FUCA1: variants seen among roughly 807,000 people sequenced by gnomAD.
The protein encoded by FUCA1 is alpha-L-fucosidase 1.
FUCA1 carries 52 observed loss-of-function variants against 56.8 expected under a neutral mutation model. That is an observed-to-expected ratio of 0.92 (90% CI 0.73 to 1.15). The LOEUF is 1.15. Among genes scored for constraint, FUCA1 ranks in the 50% most tolerant of loss-of-function variants. The pLI, the probability that FUCA1 is intolerant of heterozygous loss-of-function variation, is 0.00. For synonymous variants in FUCA1, 230 were observed against 226.6 expected, an observed-to-expected ratio of 1.02 and a Z score of -0.14; for missense variants, 568 against 592.6, an observed-to-expected ratio of 0.96 and a Z score of 0.43.
intron 2 of FUCA1, among the ~76,000 whole-genome samples, chr1:23,864,865 C>T (rs151011185): frequency 3.9e-4 from 60 of 152,084 alleles, no homozygotes; most frequent in African/African-American, 1.3e-3. Flanking sequence ...CCACCACGCC[C>T]GGCTAATTTT....
chr1:23,859,289 G>A (rs1639457765), intron 4 of FUCA1, among the ~76,000 whole-genome samples: 1 of 151,964 alleles, frequency 6.6e-6, no homozygotes, highest in Admixed American at 6.6e-5. Flanking sequence ...GGAGATTGCC[G>A]GGTGCGGTGG....
chr1:23,848,582 C>A, intron 6 of FUCA1, 67 bp downstream of exon 6: 1 of 1,473,730 alleles, frequency 6.8e-7, no homozygotes. Flanking sequence ...CATTGTGGAC[C>A]CAAGGAGATA....
Position 23,867,848 on chromosome 1 carries a change from G to A in FUCA1, c.389+50C>T. 6.6e-7 allele frequency: 1 copy of A among 1,518,194 alleles called. No individual in the cohort carries two copies. Among genetic ancestry groups the A allele is most frequent in the South Asian group, 1.2e-5 (1 of 81,390 alleles). 94.0% of individuals were successfully genotyped at this position (1,518,194 alleles called of 1,614,324 possible). ...AGCTGGCCGCCCAGCCCCACCTCCT[G>A]TTTGCCGCCCGAGCCGGGAAGGGGC... On this transcript the variant is annotated intron_variant, in intron 1 of 7. Transcript: ENST00000374479. This position sits in a 1 kb window ranked among gnomAD's most constrained non-coding sequence, Gnocchi z 4.9.
chr1:23,852,779 T>A (rs1639292397), intron 5 of FUCA1, among the ~76,000 whole-genome samples: 1 of 152,182 alleles, frequency 6.6e-6, no homozygotes, highest in African/African-American at 2.4e-5. Flanking sequence ...CACTCAGTGC[T>A]CAATGGTGCC....
At chr1:23,857,676 CT>C (rs1331435440) in intron 4 of FUCA1, among the ~76,000 whole-genome samples, 3 of 146,414 alleles carry the variant, frequency 2.0e-5, no homozygotes, top group Non-Finnish European at 4.5e-5. Flanking sequence ...TTTGTATTTT[CT>C]TTTTTTTTGA....
At chr1:23,857,962 C>T (rs1639428745) in intron 4 of FUCA1, among the ~76,000 whole-genome samples, 2 of 151,910 alleles carry the variant, frequency 1.3e-5, no homozygotes, top group Non-Finnish European at 2.9e-5. Context: ...GCCACCACGC[C>T]CGGCCTTAGA....
intron 2 of FUCA1, among the ~76,000 whole-genome samples, chr1:23,863,824 C>T (rs1324822509): frequency 1.3e-5 from 2 of 152,038 alleles, no homozygotes; most frequent in Non-Finnish European, 2.9e-5. Flanking sequence ...TGGAGTCTAG[C>T]AAAGGCGACA....
At position 23,863,140 on chromosome 1, in the gene FUCA1, A is replaced by C; in HGVS notation, c.656T>G (p.Val219Gly). 1 of 1,613,930 alleles carries C rather than the reference A, an allele frequency of 6.2e-7. No individual in the cohort carries two copies. Residue 219 changes from valine (V) to glycine (G), a missense_variant, in exon 3 of 8, where the codon GTT becomes GGT. Physicochemically the swap from Val to Gly is moderately radical, Grantham distance 109 (BLOSUM62 -3). Coordinates refer to ENST00000374479, the MANE Select transcript of FUCA1 (RefSeq NM_000147.5). ...AAATATTTCAGTGTCTTACCTGTTA[A>C]CAAGGTCGTACAGCTCTGGCATTGT... ...AKTMPELYDL[V>G]NSYKPDLIWS... is the part of the protein sequence containing the mutation.
In FUCA1 at chr1:23,867,802, C is replaced by T. The variant is rs1241490835; in HGVS notation, c.389+96G>A. ...CACGCGGGCCCCGGGGTCATGGGGG[C>T]GACCGGCAGCTGCGCGCCCCAGCTG... is the stretch of plus-strand genomic sequence containing the variant. On this transcript the variant is annotated intron_variant, in intron 1 of 7. Transcript: ENST00000374479. This position sits in a 1 kb window ranked among gnomAD's most constrained non-coding sequence, Gnocchi z 4.9. 3 of 1,444,518 alleles carry T rather than the reference C, an allele frequency of 2.1e-6. No homozygotes were observed. Among genetic ancestry groups the T allele is most frequent in the South Asian group, 1.5e-5 (1 of 68,764 alleles). 89.5% of individuals were successfully genotyped at this position (1,444,518 alleles called of 1,614,324 possible). A position where few individuals can be genotyped will look rare whatever the true frequency, so the allele number is the denominator to read the frequency against.
chr1:23,851,349 G>A (rs903340891), intron 5 of FUCA1, among the ~76,000 whole-genome samples: 29 of 150,382 alleles, frequency 1.9e-4, no homozygotes, highest in Non-Finnish European at 5.9e-5. Context: ...GGGTGACAGA[G>A]TGAAGTTCGT....
chr1:23,853,892 C>G (rs984078909), intron 5 of FUCA1, among the ~76,000 whole-genome samples: 2 of 151,152 alleles, frequency 1.3e-5, no homozygotes, highest in African/African-American at 2.4e-5. Flanking sequence ...CATCACCACT[C>G]CCTAATCTCA....
At chr1:23,859,755 C>A (rs766238963) in intron 4 of FUCA1, 43 bp downstream of exon 4, 1 of 1,320,686 alleles carries the variant, frequency 7.6e-7, no homozygotes, top group East Asian at 2.3e-5. Context: ...CTTGCACTTT[C>A]TTTCTTCATA....
chr1:23,868,182 G>A lies in FUCA1; in HGVS notation c.105C>T (p.Arg35=), dbSNP rs1170075813. The change falls in exon 1 of 8, where the codon CGC becomes CGT. Residue 35 remains arginine (R), a synonymous_variant. Coordinates refer to ENST00000374479, the MANE Select transcript of FUCA1 (RefSeq NM_000147.5). ...GGCTCGGCCAGTCTGGGGTGTAGCG[G>A]CGCGGAGGCTGGGCCCGACGCACCG... The part of the protein sequence containing the change: ...AESVRRAQPP[R]RYTPDWPSLD... 1 of 1,605,306 alleles carries A rather than the reference G, an allele frequency of 6.2e-7. No individual in the cohort carries two copies. Among genetic ancestry groups the A allele is most frequent in the Non-Finnish European group, 8.5e-7 (1 of 1,176,964 alleles).
At chr1:23,859,968 C>A (rs545717294) in intron 3 of FUCA1, 65 bp from the exon 4 acceptor site, 2 of 1,154,286 alleles carry the variant, frequency 1.7e-6, no homozygotes, top group Non-Finnish European at 2.6e-6. Context: ...ATCTTATGGA[C>A]CATTTTTTTT....
At chr1:23,853,151 G>A (rs1294538677) in intron 5 of FUCA1, among the ~76,000 whole-genome samples, 4 of 149,388 alleles carry the variant, frequency 2.7e-5, no homozygotes, top group East Asian at 2.0e-4. Context: ...TGTGAGGAGC[G>A]CCTCTGCCCG....
At chr1:23,846,254 A>G in intron 6 of FUCA1, 81 bp from the exon 7 acceptor site, 1 of 941,902 alleles carries the variant, frequency 1.1e-6, no homozygotes, top group Non-Finnish European at 1.7e-6. Context: ...CTCCTTTTTA[A>G]TGTTAATTTT....
At position 23,845,618 on chromosome 1, in the gene FUCA1, A is replaced by G. The variant is rs1639121464; in HGVS notation, c.*97T>C. The G allele has an allele frequency of 2.2e-5, 32 of 1,437,192 alleles. No individual in the cohort carries two copies. The highest frequency in any genetic ancestry group is 2.9e-5 in the Non-Finnish European group (30 of 1,020,074). The allele number at this position is 1,437,192 out of a possible 1,614,324, so 89.0% of individuals were successfully genotyped here. ...TGTTGGAAAAGCCATCTCTGGGTGGAGAAGAGAAGTTCGTTGATTATAGTG... is the reference window on the plus strand; with the variant it reads ...TGTTGGAAAAGCCATCTCTGGGTGGGGAAGAGAAGTTCGTTGATTATAGTG... On this transcript the variant is annotated 3_prime_UTR_variant, in exon 8 of 8. Coordinates refer to ENST00000374479, the MANE Select transcript of FUCA1 (RefSeq NM_000147.5).
At chr1:23,846,594 C>T (rs530567712) in intron 6 of FUCA1, among the ~76,000 whole-genome samples, 110 of 144,426 alleles carry the variant, frequency 7.6e-4, no homozygotes, top group Non-Finnish European at 1.3e-3. Context: ...TTTTTTGAGA[C>T]GAAGCCTTGT....
chr1:23,851,358 G>A (rs1184349356), intron 5 of FUCA1, among the ~76,000 whole-genome samples: 2 of 56,344 alleles, frequency 3.5e-5, no homozygotes, highest in African/African-American at 1.6e-4. Context: ...AGTGAAGTTC[G>A]TTCATAAATA....
Sources: allele counts gnomAD v4.1 joint callset (sites outside exome capture counted in the v4.1 genomes callset), GRCh38; gene constraint gnomAD v4.1.1; non-coding constraint Gnocchi (gnomAD v3.1); transcripts MANE v1.5; gene names NCBI Gene and HGNC (gene_info 2026-07-23, HGNC 2026-07-21).